DZIP3: variants seen among roughly 807,000 people sequenced by gnomAD.
DZIP3 encodes the protein E3 ubiquitin-protein ligase DZIP3.
In DZIP3, 118 loss-of-function variants were observed where a neutral mutation model predicts 162.0. That is an observed-to-expected ratio of 0.73 (90% CI 0.63 to 0.85). DZIP3 has a LOEUF of 0.85. Among genes scored for constraint, DZIP3 ranks in the 40% least tolerant of loss-of-function variants. DZIP3 has a pLI of 0.00. For missense variants in DZIP3, 1,331 were observed against 1,407.0 expected, an observed-to-expected ratio of 0.95 and a Z score of 0.86; for synonymous variants, 438 against 458.6, an observed-to-expected ratio of 0.96 and a Z score of 0.57.
intron 18 of DZIP3, among the ~76,000 whole-genome samples, chr3:108,653,284 A>G (rs894909239): frequency 6.6e-6 from 1 of 151,498 alleles, no homozygotes; most frequent in African/African-American, 2.4e-5. Context: ...CTAGATCTCA[A>G]AGTGTTCTAA....
intron 1 of DZIP3, among the ~76,000 whole-genome samples, chr3:108,596,095 A>G (rs889427790): frequency 2.6e-5 from 4 of 152,224 alleles, no homozygotes; most frequent in Admixed American, 6.5e-5. Flanking sequence ...AGGTGTTACA[A>G]TTTTAGATAG....
chr3:108,646,579 G>A (rs372181010), intron 14 of DZIP3, 38 bp from the exon 15 acceptor site: 170 of 1,462,008 alleles, frequency 1.2e-4, no homozygotes, highest in Non-Finnish European at 1.4e-4. Context: ...TGTTGCGTTT[G>A]CAATTGTACA....
intron 15 of DZIP3, 107 bp downstream of exon 15, chr3:108,646,756 A>C: frequency 1.1e-6 from 1 of 895,182 alleles, no homozygotes; most frequent in Non-Finnish European, 1.7e-6. Context: ...ATTGTGAAGA[A>C]CTTGGGCCAG....
At chr3:108,648,481 G>A (rs1942726416) in intron 16 of DZIP3, 1 of 168,250 alleles carries the variant, frequency 5.9e-6, no homozygotes, top group South Asian at 1.7e-4. Flanking sequence ...AAAACCATTT[G>A]CGCAGAGGTA....
intron 7 of DZIP3, among the ~76,000 whole-genome samples, chr3:108,626,242 A>G (rs1941585258): frequency 1.3e-5 from 2 of 152,174 alleles, no homozygotes; most frequent in Admixed American, 1.3e-4. Context: ...TACATTTTTT[A>G]TCACTTATGC....
intron 1 of DZIP3, among the ~76,000 whole-genome samples, chr3:108,591,755 T>G (rs1939430934): frequency 6.6e-6 from 1 of 152,154 alleles, no homozygotes; most frequent in Non-Finnish European, 1.5e-5. Flanking sequence ...TTCCAGTTTT[T>G]TGGGAGACTA....
At chr3:108,591,649 CA>C (rs1251172112) in intron 1 of DZIP3, among the ~76,000 whole-genome samples, 3 of 152,172 alleles carry the variant, frequency 2.0e-5, no homozygotes, top group Non-Finnish European at 4.4e-5. Context: ...GAGATACTTG[CA>C]TATCCTAATT....
chr3:108,647,445 A>G lies in DZIP3; in HGVS notation c.1793-498A>G, dbSNP rs1056850129. On this transcript the variant is annotated intron_variant, in intron 15 of 32. Coordinates refer to ENST00000361582, the MANE Select transcript of DZIP3 (RefSeq NM_014648.4). ...GGAGACCAGTCAGACAAAGTCCACA[A>G]GTTTTGAGACTGAGTCTCTGGGGCA... Among the ~76,000 whole-genome samples the G allele has an allele frequency of 2.6e-5, 4 of 152,308 alleles. No individual in the cohort carries two copies. In the East Asian group the frequency reaches 7.7e-4, roughly 29 times the overall value.
In DZIP3 at chr3:108,642,484, C is replaced by A; in HGVS notation, c.1111C>A (p.Pro371Thr). 1 of 1,482,860 alleles carries A rather than the reference C, an allele frequency of 6.7e-7. No individual in the cohort carries two copies. The highest frequency in any genetic ancestry group is 9.1e-7 in the Non-Finnish European group (1 of 1,095,212). The allele number at this position is 1,482,860 out of a possible 1,614,324, so 91.9% of individuals were successfully genotyped here. Residue 371 changes from proline (P) to threonine (T), a missense_variant, in exon 13 of 33, where the codon CCG (proline) becomes ACG (threonine). Physicochemically the swap from Pro to Thr is conservative, Grantham distance 38 (BLOSUM62 -1). This residue lies in a region of DZIP3 where 1,278 missense variants were observed against 1,317.1 expected (regional missense o/e 0.97). Transcript: ENST00000361582. ...GAAAATAACTGATACTGATATAAGA[C>A]CGAAGATCAGTTTAAAATTTAATAC... is the stretch of plus-strand genomic sequence containing the variant. ...SLKITDTDIRPKISLKFNTKD... is the reference protein window; with the variant it reads ...SLKITDTDIRTKISLKFNTKD...
At chr3:108,613,663 C>T (rs1940845782) in intron 4 of DZIP3, among the ~76,000 whole-genome samples, 1 of 152,196 alleles carries the variant, frequency 6.6e-6, no homozygotes, top group South Asian at 2.1e-4. Flanking sequence ...TGTATAAACA[C>T]TGCACCCAAC....
At chr3:108,648,229 T>A in intron 16 of DZIP3, 117 bp downstream of exon 16, 1 of 977,148 alleles carries the variant, frequency 1.0e-6, no homozygotes, top group African/African-American at 1.7e-5. Flanking sequence ...ATAGTGTTTA[T>A]ACAGAGCTTG....
chr3:108,608,091 A>T lies in DZIP3; in HGVS notation c.35A>T (p.His12Leu). Residue 12 changes from histidine (H) to leucine (L), a missense_variant and splice_region_variant, in exon 3 of 33, where the codon CAT (histidine) becomes CTT (leucine). Transcript: ENST00000361582. Reference protein sequence around the residue: ...DSLPDEFFVRHPAVEDQRKEE... With the variant: ...DSLPDEFFVRLPAVEDQRKEE... ...TACCTCATTTTCATTTAAAATAGGC[A>T]TCCTGCTGTGGAGGATCAGAGGAAG... 1 of 1,612,078 alleles carries T rather than the reference A, an allele frequency of 6.2e-7. No individual in the cohort carries two copies. The highest frequency in any genetic ancestry group is 8.5e-7 in the Non-Finnish European group (1 of 1,178,604).
chr3:108,643,903 A>G (rs919311391), intron 13 of DZIP3, among the ~76,000 whole-genome samples: 1 of 152,146 alleles, frequency 6.6e-6, no homozygotes, highest in Non-Finnish European at 1.5e-5. Context: ...TACTTGAACA[A>G]AACCTTGGAT....
chr3:108,658,047 T>C (rs560636700), intron 19 of DZIP3, among the ~76,000 whole-genome samples: 1 of 110,426 alleles, frequency 9.1e-6, no homozygotes, highest in East Asian at 1.9e-4. Flanking sequence ...CATGGGAGAC[T>C]TTAACACCCC....
chr3:108,692,149 CTTTATA>C (rs550722396), intron 32 of DZIP3, among the ~76,000 whole-genome samples: 3 of 151,866 alleles, frequency 2.0e-5, no homozygotes, highest in South Asian at 2.1e-4. Context: ...AACATTTTGG[CTTTATA>C]TTTATATTTA....
At position 108,672,597 on chromosome 3, in the gene DZIP3, A is replaced by G; in HGVS notation, c.2530A>G (p.Thr844Ala). 1 of 1,612,122 alleles carries G rather than the reference A, an allele frequency of 6.2e-7. No individual in the cohort carries two copies. The highest frequency in any genetic ancestry group is 8.5e-7 in the Non-Finnish European group (1 of 1,178,704). ...WEMEKHNLESTMKTYVSKLNA... is the reference protein window; with the variant it reads ...WEMEKHNLESAMKTYVSKLNA... ...AATGGAAAAACATAATCTGGAAAGC[A>G]CAATGAAAACATACGTAAGCAAACT... is the stretch of plus-strand genomic sequence containing the variant. The change falls in exon 23 of 33, where the codon ACA (threonine) becomes GCA (alanine). Residue 844 changes from threonine to alanine, a missense_variant. Thr to Ala is a moderately conservative substitution (Grantham distance 58, BLOSUM62 0). Coordinates refer to ENST00000361582, the MANE Select transcript of DZIP3 (RefSeq NM_014648.4).
intron 3 of DZIP3, among the ~76,000 whole-genome samples, chr3:108,610,501 A>G (rs1219765606): frequency 6.6e-6 from 1 of 152,244 alleles, no homozygotes; most frequent in Non-Finnish European, 1.5e-5. Flanking sequence ...ATACAAGGGC[A>G]TTTCAGCATC....
At chr3:108,594,617 C>G (rs1002100465) in intron 1 of DZIP3, among the ~76,000 whole-genome samples, 5 of 151,808 alleles carry the variant, frequency 3.3e-5, no homozygotes, top group African/African-American at 1.2e-4. Flanking sequence ...CCGATAGTGC[C>G]CAATGTGTGT....
rs989256983 is a variant in DZIP3 at position 108,654,483 on chromosome 3, A to C, written c.2199+173A>C. On this transcript the variant is annotated intron_variant, in intron 19 of 32. Transcript: ENST00000361582. ...ATATGAAGGAAAATAGAATAAGGAA[A>C]AAAAAGAACGCCTAGGAGCTGGAAA... 9.9e-5 allele frequency: 65 copies of C among 656,220 alleles called. 2 individuals are homozygous for C. In the Admixed American group the frequency reaches 2.0e-3, roughly 20 times the overall value. The allele number at this position is 656,220 out of a possible 1,614,324, so 40.6% of individuals were successfully genotyped here.
Sources: gnomAD v4.1 joint callset for allele counts (sites outside exome capture counted in the v4.1 genomes callset) on GRCh38, gnomAD v4.1.1 for gene constraint, gnomAD v4.1.1 regional missense constraint, MANE v1.5 for transcripts, NCBI Gene and HGNC (gene_info 2026-07-23, HGNC 2026-07-21) for gene names.